ENPP2: variants seen among roughly 807,000 people sequenced by gnomAD.
The protein encoded by ENPP2 is autotaxin.
A neutral mutation model predicts 120.2 loss-of-function variants in ENPP2; 51 were observed. The observed-to-expected ratio is 0.42, with a 90% CI of 0.34 to 0.54. The LOEUF is 0.54. Among genes scored for constraint, ENPP2 ranks in the 20% least tolerant of loss-of-function variants. The pLI is 0.04. For synonymous variants in ENPP2, 365 were observed against 366.4 expected (o/e 1.00, Z 0.04); for missense variants, 920 against 1,066.5 (o/e 0.86, Z 1.91).
chr8:119,617,408 T>C, intron 6 of ENPP2, 58 bp downstream of exon 6: 1 of 1,269,054 alleles, frequency 7.9e-7, no homozygotes. Context: ...CACAGCCCAC[T>C]GGTTAGTGTG....
At chr8:119,595,813 C>T (rs374959302) in intron 11 of ENPP2, 111 of 1,609,268 alleles carry the variant, frequency 6.9e-5, no homozygotes, top group Non-Finnish European at 8.6e-5. Context: ...CAGACCTGCC[C>T]GCCACAAAGC....
chr8:119,571,082 T>C (rs1165426917), intron 19 of ENPP2: 2 of 308,582 alleles, frequency 6.5e-6, no homozygotes, highest in Non-Finnish European at 1.2e-5. Context: ...ATTTACAGAA[T>C]GCTTTTTTTA....
In ENPP2 at chr8:119,661,352, A is replaced by T. The variant is rs1817914955; in HGVS notation, c.21+11900T>A. Among the ~76,000 whole-genome samples the T allele has an allele frequency of 2.0e-5, 3 of 152,178 alleles. No individual in the cohort carries two copies. In the South Asian group the frequency reaches 6.2e-4, roughly 31 times the overall value. On this transcript the variant is annotated intron_variant, in intron 1 of 25. Coordinates refer to the ENPP2 transcript ENST00000427067. ...GTAAAATAAAAAATAATGGTTGAAG[A>T]ACCTGAATAGACATTTCTCAAAAGA...
chr8:119,594,434 C>T (rs1481694709), intron 11 of ENPP2, among the ~76,000 whole-genome samples: 1 of 152,208 alleles, frequency 6.6e-6, no homozygotes, highest in African/African-American at 2.4e-5. Flanking sequence ...TTGCTTCTCA[C>T]TTTAGTTCTT....
intron 1 of ENPP2, among the ~76,000 whole-genome samples, chr8:119,657,331 C>T (rs1473590132): frequency 3.9e-5 from 6 of 152,186 alleles, no homozygotes; most frequent in Admixed American, 3.3e-4. Context: ...CAGTCTGCAT[C>T]GTTCAAAGTC....
intron 11 of ENPP2, among the ~76,000 whole-genome samples, chr8:119,594,661 G>A (rs1302107169): frequency 3.9e-5 from 6 of 152,130 alleles, no homozygotes; most frequent in Admixed American, 1.3e-4. Flanking sequence ...ACATACTAGA[G>A]GCTCTCCATC....
chr8:119,672,362 A>G (rs1818275900), intron 1 of ENPP2, among the ~76,000 whole-genome samples: 1 of 152,174 alleles, frequency 6.6e-6, no homozygotes. Context: ...CCTGCTGGGC[A>G]CTAGAGCGGC....
At chr8:119,639,290 A>G (rs958819045), upstream of ENPP2, among the ~76,000 whole-genome samples, 3 of 152,176 alleles carry the variant, frequency 2.0e-5, no homozygotes, top group Admixed American at 2.0e-4. Context: ...TATCATTTAT[A>G]AACCTAATAA....
At chr8:119,605,303 C>G (rs1489057126) in intron 9 of ENPP2, among the ~76,000 whole-genome samples, 1 of 152,062 alleles carries the variant, frequency 6.6e-6, no homozygotes, top group African/African-American at 2.4e-5. Context: ...AACTCCTGTG[C>G]TCAAGCGATC....
At chr8:119,626,544 G>A (rs554479961) in intron 3 of ENPP2, 21 bp downstream of exon 3, 2 of 1,608,402 alleles carry the variant, frequency 1.2e-6, no homozygotes, top group East Asian at 4.5e-5. Flanking sequence ...TGAAGGTAGA[G>A]AGGACTCATA....
rs377176887 is a variant in ENPP2, at chr8:119,586,170, C to T, written c.1367+16G>A. On this transcript the variant is annotated intron_variant, in intron 15 of 24. Coordinates refer to ENST00000075322, the MANE Select transcript of ENPP2 (RefSeq NM_001040092.3). ...TTGTGGAAATGAGAAACAGAAATAGCCCATATACCAGTTACCTTGCAACAT... is the reference window on the plus strand; with the variant it reads ...TTGTGGAAATGAGAAACAGAAATAGTCCATATACCAGTTACCTTGCAACAT... The T allele has an allele frequency of 1.2e-6, 2 of 1,612,412 alleles. No individual in the cohort carries two copies. The highest frequency in any genetic ancestry group is 1.3e-5 in the African/African-American group (1 of 74,858).
At chr8:119,566,583 G>A (rs1233045068) in intron 22 of ENPP2, among the ~76,000 whole-genome samples, 11 of 152,154 alleles carry the variant, frequency 7.2e-5, no homozygotes, top group Admixed American at 7.2e-4. Flanking sequence ...AAGAAACAAT[G>A]AGAACAGTCA....
rs753120756 is a variant in ENPP2 at position 119,583,971 on chromosome 8, G to T, written c.1446C>A (p.Asn482Lys). 68 of 1,612,114 alleles carry T rather than the reference G, an allele frequency of 4.2e-5. No homozygotes were observed. Among genetic ancestry groups the T allele is most frequent in the Non-Finnish European group, 5.0e-5 (59 of 1,178,324 alleles). Reference protein sequence around the residue: ...QGDHGFDNKVNSMQTVFVGYG... With the variant: ...QGDHGFDNKVKSMQTVFVGYG... ...AGTTCTGCCATCATACCTGCATGCTGTTGACCTTGTTATCAAATCCGTGGT... is the reference window on the plus strand; with the variant it reads ...AGTTCTGCCATCATACCTGCATGCTTTTGACCTTGTTATCAAATCCGTGGT... Residue 482 changes from asparagine to lysine, a missense_variant, in exon 16 of 25, where the codon AAC becomes AAA. Coordinates refer to ENST00000075322, the MANE Select transcript of ENPP2 (RefSeq NM_001040092.3).
At chr8:119,583,119 A>T (rs1812862850) in intron 17 of ENPP2, among the ~76,000 whole-genome samples, 1 of 152,178 alleles carries the variant, frequency 6.6e-6, no homozygotes, top group East Asian at 1.9e-4. Flanking sequence ...TTTCATAGCA[A>T]GTGAATGGTT....
chr8:119,586,335 G>A, intron 14 of ENPP2, 22 bp from the exon 15 acceptor site: 1 of 1,611,072 alleles, frequency 6.2e-7, no homozygotes, highest in Non-Finnish European at 8.5e-7. Flanking sequence ...ATGGAAATCA[G>A]ACTTCAGATG....
intron 2 of ENPP2, among the ~76,000 whole-genome samples, chr8:119,632,367 G>A (rs763833809): frequency 6.6e-5 from 10 of 152,210 alleles, no homozygotes; most frequent in Non-Finnish European, 1.5e-4. Context: ...ATGGAGGCTT[G>A]AAATTTCTTA....
At chr8:119,598,308 C>G (rs988043695) in intron 11 of ENPP2, among the ~76,000 whole-genome samples, 2 of 152,094 alleles carry the variant, frequency 1.3e-5, no homozygotes, top group African/African-American at 4.8e-5. Context: ...CTCCAAGATA[C>G]CCAATTAAGA....
At chr8:119,585,624 T>C (rs1331343526) in intron 15 of ENPP2, among the ~76,000 whole-genome samples, 2 of 152,126 alleles carry the variant, frequency 1.3e-5, no homozygotes, top group African/African-American at 4.8e-5. Context: ...TGTTAGAGCC[T>C]CCAGACATGT....
chr8:119,559,751 C>T (rs906298638), intron 24 of ENPP2, among the ~76,000 whole-genome samples: 1 of 152,202 alleles, frequency 6.6e-6, no homozygotes, highest in Non-Finnish European at 1.5e-5. Flanking sequence ...AACAAAAGCA[C>T]AATCCATGAA....
Sources: allele counts gnomAD v4.1 joint callset (sites outside exome capture counted in the v4.1 genomes callset), GRCh38; gene constraint gnomAD v4.1.1; transcripts MANE v1.5; gene names NCBI Gene and HGNC (gene_info 2026-07-23, HGNC 2026-07-21).